Variants in CADM2 observed in about 807,000 individuals in gnomAD.
CADM2 encodes the protein cell adhesion molecule 2, also known as immunoglobulin superfamily member 4D.
A neutral mutation model predicts 49.8 loss-of-function variants in CADM2; 12 were observed. The ratio of observed to expected loss-of-function variants is 0.24; its 90% CI spans 0.15 to 0.39. The LOEUF (loss-of-function observed/expected upper bound fraction) is 0.39. Ranked by LOEUF, CADM2 falls within the 10% of genes least tolerant of loss-of-function variation. The pLI is 1.00. For synonymous variants in CADM2, 214 were observed against 175.4 expected (o/e 1.22, Z -1.74); for missense variants, 378 against 492.3 (o/e 0.77, Z 2.20).
intron 1 of CADM2, among the ~76,000 whole-genome samples, chr3:85,245,369 G>A (rs1469314079): frequency 1.3e-5 from 2 of 152,032 alleles, no homozygotes; most frequent in Non-Finnish European, 1.5e-5. Flanking sequence ...AAAATTAGCC[G>A]GGTGTGGTGA....
At chr3:85,045,221 G>A (rs527691411) in intron 1 of CADM2, among the ~76,000 whole-genome samples, 11 of 152,204 alleles carry the variant, frequency 7.2e-5, no homozygotes, top group Middle Eastern at 3.4e-3. Flanking sequence ...TTAATGTGGC[G>A]CAAGATTTAT....
At chr3:85,648,094 C>T (rs1442930997) in intron 1 of CADM2, among the ~76,000 whole-genome samples, 2 of 151,798 alleles carry the variant, frequency 1.3e-5, no homozygotes, top group East Asian at 1.9e-4. Flanking sequence ...CAGATTTTTG[C>T]CCATGTTTCT....
intron 1 of CADM2, among the ~76,000 whole-genome samples, chr3:85,153,377 T>C (rs1258621611): frequency 2.6e-5 from 4 of 152,172 alleles, no homozygotes; most frequent in African/African-American, 9.6e-5. Context: ...ACTTTTCTGA[T>C]GGTCTTAAAA....
intron 6 of CADM2, among the ~76,000 whole-genome samples, chr3:85,926,663 T>A (rs1418739647): frequency 1.3e-5 from 2 of 152,174 alleles, no homozygotes; most frequent in Non-Finnish European, 2.9e-5. Flanking sequence ...GGTTTTTTTT[T>A]TATATTATTT....
At chr3:85,974,663 A>G (rs534914773) in intron 8 of CADM2, among the ~76,000 whole-genome samples, 1 of 151,742 alleles carries the variant, frequency 6.6e-6, no homozygotes, top group South Asian at 2.1e-4. Flanking sequence ...TTTTAGCTGA[A>G]ATTATACTTC....
intron 7 of CADM2, among the ~76,000 whole-genome samples, chr3:85,943,680 G>A (rs1027818884): frequency 1.3e-5 from 2 of 151,932 alleles, no homozygotes; most frequent in South Asian, 2.1e-4. Flanking sequence ...AAAACAGCAT[G>A]GTACTGGTAC....
chr3:85,737,194 C>T (rs1169829773), intron 2 of CADM2, among the ~76,000 whole-genome samples: 1 of 151,982 alleles, frequency 6.6e-6, no homozygotes, highest in East Asian at 1.9e-4. Flanking sequence ...GAAGGGAAAA[C>T]CATAAATTTT....
chr3:85,080,712 T>C (rs1255667198), intron 1 of CADM2, among the ~76,000 whole-genome samples: 3 of 152,110 alleles, frequency 2.0e-5, no homozygotes, highest in Non-Finnish European at 4.4e-5. Context: ...TCAGATGACC[T>C]CTTATTTGTT....
intron 1 of CADM2, among the ~76,000 whole-genome samples, chr3:85,090,777 G>A (rs561848941): frequency 6.6e-6 from 1 of 152,276 alleles, no homozygotes; most frequent in South Asian, 2.1e-4. Context: ...AAACCCTACT[G>A]TCAACTGCAC....
At chr3:85,440,841 G>T (rs1375141929) in intron 1 of CADM2, among the ~76,000 whole-genome samples, 4 of 152,054 alleles carry the variant, frequency 2.6e-5, no homozygotes, top group Admixed American at 2.0e-4. Flanking sequence ...AATTAGCCGG[G>T]CATGATGGCA....
intron 3 of CADM2, among the ~76,000 whole-genome samples, chr3:85,862,896 A>G (rs564088474): frequency 6.6e-6 from 1 of 151,668 alleles, no homozygotes; most frequent in East Asian, 1.9e-4. Flanking sequence ...AACAACTCAA[A>G]TTTTTTTTTA....
chr3:85,607,994 C>T (rs777355953), intron 1 of CADM2, among the ~76,000 whole-genome samples: 6 of 151,912 alleles, frequency 3.9e-5, no homozygotes, highest in East Asian at 1.9e-4. Flanking sequence ...TTATTAGAAA[C>T]AAATAATTTC....
chr3:85,608,680 G>A (rs2063599805), intron 1 of CADM2, among the ~76,000 whole-genome samples: 1 of 152,118 alleles, frequency 6.6e-6, no homozygotes, highest in Admixed American at 6.6e-5. Flanking sequence ...ATTTTATGCT[G>A]ATCAAACTAA....
At chr3:85,037,123 T>C (rs1028131817) in intron 1 of CADM2, among the ~76,000 whole-genome samples, 1 of 151,936 alleles carries the variant, frequency 6.6e-6, no homozygotes, top group African/African-American at 2.4e-5. Flanking sequence ...TGAGCTAAGA[T>C]TGCGCCATGC....
At chr3:85,445,882 G>T (rs1352533498) in intron 1 of CADM2, among the ~76,000 whole-genome samples, 2 of 152,042 alleles carry the variant, frequency 1.3e-5, no homozygotes, top group Admixed American at 6.5e-5. Context: ...AAACTGTACT[G>T]TTACATGCAA....
intron 1 of CADM2, among the ~76,000 whole-genome samples, chr3:85,132,927 C>G (rs1187516568): frequency 1.3e-5 from 2 of 152,074 alleles, no homozygotes; most frequent in African/African-American, 4.8e-5. Context: ...CTTAAGGTGG[C>G]GTGTCTGGAG....
intron 2 of CADM2, among the ~76,000 whole-genome samples, chr3:85,775,579 T>G (rs978344510): frequency 6.6e-6 from 1 of 151,832 alleles, no homozygotes; most frequent in Non-Finnish European, 1.5e-5. Flanking sequence ...ATAAACTGCT[T>G]TTTAAAAATT....
Position 86,071,931 on chromosome 3 carries a change from C to G in CADM2, c.*5148C>G, listed in dbSNP as rs1489290739. 6.6e-6 allele frequency: 1 copy of G among 151,806 alleles called. No homozygotes were observed. Among genetic ancestry groups the G allele is most frequent in the Non-Finnish European group, 1.5e-5 (1 of 67,840 alleles). 9.4% of individuals were successfully genotyped at this position (151,806 alleles called of 1,614,324 possible). On this transcript the variant is annotated 3_prime_UTR_variant, in exon 10 of 10. Transcript: ENST00000383699. ...TGTAACAATTTCTTATAAATTCATG[C>G]TGTGTTTTAAGTAAAAATCATGTAT... is the stretch of plus-strand genomic sequence containing the variant.
chr3:85,023,914 A>G (rs1005732679), intron 1 of CADM2, among the ~76,000 whole-genome samples: 1 of 152,040 alleles, frequency 6.6e-6, no homozygotes, highest in Admixed American at 6.6e-5. Flanking sequence ...TTATGTTAAG[A>G]TAAGTTTGGG....
Sources: allele counts gnomAD v4.1 joint callset (sites outside exome capture counted in the v4.1 genomes callset), GRCh38; gene constraint gnomAD v4.1.1; transcripts MANE v1.5; gene names NCBI Gene and HGNC (gene_info 2026-07-23, HGNC 2026-07-21).